SP140L: variants seen among roughly 807,000 people sequenced by gnomAD.
SP140L encodes SP140 like nuclear body protein.
A neutral mutation model predicts 84.3 loss-of-function variants in SP140L; 64 were observed. The observed-to-expected ratio is 0.76, with a 90% CI of 0.62 to 0.94. SP140L has a LOEUF of 0.94. Among genes scored for constraint, SP140L ranks in the 40% least tolerant of loss-of-function variants. The probability of loss-of-function intolerance (pLI) is 0.00; values close to 1 mark genes in which losing one functional copy is unlikely to be tolerated. For synonymous variants in SP140L, 242 were observed against 236.9 expected, an observed-to-expected ratio of 1.02 and a Z score of -0.20; for missense variants, 628 against 692.5, an observed-to-expected ratio of 0.91 and a Z score of 1.05.
intron 7 of SP140L, among the ~76,000 whole-genome samples, chr2:230,383,218 T>C (rs759028776): frequency 1.3e-5 from 2 of 152,134 alleles, no homozygotes; most frequent in East Asian, 1.9e-4. Context: ...CAACATGAAA[T>C]AGCAGTTATC....
intron 7 of SP140L, among the ~76,000 whole-genome samples, chr2:230,381,577 T>C (rs1405198927): frequency 6.6e-6 from 1 of 152,170 alleles, no homozygotes; most frequent in East Asian, 1.9e-4. Flanking sequence ...ATTGCAAATG[T>C]AGGTGCAGTG....
At chr2:230,351,401 T>A (rs1319755691) in intron 2 of SP140L, among the ~76,000 whole-genome samples, 1 of 151,906 alleles carries the variant, frequency 6.6e-6, no homozygotes, top group Non-Finnish European at 1.5e-5. Context: ...TTAAGCTGCC[T>A]GTTCAGGTCC....
chr2:230,343,626 A>T (rs2060127283), intron 2 of SP140L, among the ~76,000 whole-genome samples: 1 of 117,864 alleles, frequency 8.5e-6, no homozygotes, highest in Admixed American at 8.5e-5. Context: ...GTCAAATGGT[A>T]TTTCTGCCTC....
intron 13 of SP140L, 34 bp downstream of exon 13, chr2:230,393,495 C>T (rs748976242): frequency 1.3e-6 from 2 of 1,542,422 alleles, no homozygotes; most frequent in South Asian, 1.3e-5. Flanking sequence ...AGATTCTTGT[C>T]ACACAACAGA....
chr2:230,401,757 T>A lies in SP140L; in HGVS notation c.1594T>A (p.Phe532Ile). Residue 532 changes from phenylalanine (F) to isoleucine (I), a missense_variant, in exon 18 of 19, where the codon TTT becomes ATT. Physicochemically the swap from Phe to Ile is conservative, Grantham distance 21 (BLOSUM62 0). Transcript: ENST00000415673. ...GCACGGTTACCCCCAAGTGGAGGGG[T>A]TTGTACAAGACATGCGCCTCATCTT... ...NEHGYPQVEGFVQDMRLIFQN... is the reference protein window; with the variant it reads ...NEHGYPQVEGIVQDMRLIFQN... The A allele has an allele frequency of 6.5e-7, 1 of 1,541,012 alleles. No homozygotes were observed. Among genetic ancestry groups the A allele is most frequent in the Non-Finnish European group, 8.7e-7 (1 of 1,142,866 alleles).
intron 3 of SP140L, 88 bp downstream of exon 3, chr2:230,358,055 G>A (rs2060603413): frequency 6.7e-7 from 1 of 1,488,800 alleles, no homozygotes; most frequent in Non-Finnish European, 9.2e-7. Flanking sequence ...TAGAAAAGGA[G>A]AGGAGAAGCA....
intron 4 of SP140L, 55 bp downstream of exon 4, chr2:230,359,187 G>T: frequency 1.3e-6 from 2 of 1,507,346 alleles, no homozygotes; most frequent in South Asian, 2.3e-5. Flanking sequence ...TTTTCAATAA[G>T]CATATGTTTG....
chr2:230,354,885 G>GAAAGAAAGAAAGAAAGAA (rs1247953230), intron 2 of SP140L, among the ~76,000 whole-genome samples: 8 of 124,408 alleles, frequency 6.4e-5, no homozygotes, highest in Non-Finnish European at 1.2e-4. Context: ...AAGAAAGAAA[G>GAAAGAAAGAAAGAAAGAA]AAAGAAAGAA....
intron 5 of SP140L, among the ~76,000 whole-genome samples, chr2:230,363,655 A>T (rs1399790766): frequency 6.6e-6 from 1 of 151,860 alleles, no homozygotes; most frequent in Non-Finnish European, 1.5e-5. Context: ...TTCCTTGCCC[A>T]TGCAGAAACT....
chr2:230,379,870 G>A (rs1401494115), intron 7 of SP140L, among the ~76,000 whole-genome samples: 4 of 152,086 alleles, frequency 2.6e-5, no homozygotes, highest in African/African-American at 7.2e-5. Flanking sequence ...CTCTCTAAAA[G>A]CTTTTTTCCC....
At chr2:230,347,608 G>C (rs1441997515) in intron 2 of SP140L, among the ~76,000 whole-genome samples, 2 of 152,170 alleles carry the variant, frequency 1.3e-5, no homozygotes, top group Non-Finnish European at 2.9e-5. Flanking sequence ...TACTATTTGG[G>C]CTTCCTGGTT....
At position 230,359,768 on chromosome 2, in the gene SP140L, A is replaced by T. The variant is rs531548695; in HGVS notation, c.439+636A>T. On this transcript the variant is annotated intron_variant, in intron 4 of 18. Transcript: ENST00000415673. ...AAACCAGGAAAATGCTACCTTTATT[A>T]GGTTTCTAGAATAATGAACAAGAAA... Among the ~76,000 whole-genome samples the T allele has an allele frequency of 2.0e-5, 3 of 152,310 alleles. No homozygotes were observed. The East Asian group carries it at 5.8e-4, about 29-fold the overall frequency.
At chr2:230,400,782 A>G (rs2062296278) in intron 15 of SP140L, 173 bp from the exon 16 acceptor site, 2 of 1,463,408 alleles carry the variant, frequency 1.4e-6, no homozygotes, top group Non-Finnish European at 9.3e-7. Context: ...GATGCGAGGG[A>G]AAGGCCAGTG....
At chr2:230,400,672 G>C in intron 15 of SP140L, 1 of 635,500 alleles carries the variant, frequency 1.6e-6, no homozygotes, top group Non-Finnish European at 2.6e-6. Flanking sequence ...AGGCCTGGCA[G>C]GCAGGACTCC....
intron 13 of SP140L, among the ~76,000 whole-genome samples, chr2:230,393,883 A>T (rs1055961122): frequency 1.3e-5 from 2 of 152,208 alleles, no homozygotes; most frequent in African/African-American, 4.8e-5. Context: ...TGTGAAATTG[A>T]TAGAGCAAAC....
intron 14 of SP140L, among the ~76,000 whole-genome samples, chr2:230,397,530 G>A (rs2062105756): frequency 6.6e-6 from 1 of 152,086 alleles, no homozygotes; most frequent in Non-Finnish European, 1.5e-5. Context: ...CTATATGACT[G>A]CCTGCTTTGG....
chr2:230,380,564 C>A (rs1346402223), intron 7 of SP140L, among the ~76,000 whole-genome samples: 1 of 152,060 alleles, frequency 6.6e-6, no homozygotes, highest in East Asian at 1.9e-4. Flanking sequence ...TTTTCTGCAC[C>A]ATCGAAATCT....
chr2:230,346,914 T>C (rs2149706520), intron 2 of SP140L, among the ~76,000 whole-genome samples: 1 of 152,350 alleles, frequency 6.6e-6, no homozygotes, highest in South Asian at 2.1e-4. Flanking sequence ...CTTATTAATT[T>C]CTTTTAGGGG....
chr2:230,374,240 C>T (rs1299952030), intron 7 of SP140L, among the ~76,000 whole-genome samples: 10 of 151,238 alleles, frequency 6.6e-5, no homozygotes, highest in East Asian at 3.9e-4. Context: ...CGCTTGAACC[C>T]GGGAGGCAGA....
Sources: gnomAD v4.1 joint callset for allele counts (sites outside exome capture counted in the v4.1 genomes callset) on GRCh38, gnomAD v4.1.1 for gene constraint, MANE v1.5 for transcripts, NCBI Gene and HGNC (gene_info 2026-07-23, HGNC 2026-07-21) for gene names.